Variants in FRMPD4 observed in about 807,000 individuals in gnomAD.
FRMPD4 encodes the protein FERM and PDZ domain containing 4.
Under a neutral mutation model 94.1 loss-of-function variants are expected in FRMPD4, and 22 were observed. The ratio of observed to expected loss-of-function variants is 0.23; its 90% CI spans 0.17 to 0.33. The LOEUF is 0.33. FRMPD4 is among the 10% of genes least tolerant of loss of function. The pLI is 1.00. For missense variants in FRMPD4, 1,111 were observed against 1,339.9 expected (o/e 0.83, Z 2.67); for synonymous variants, 631 against 548.6 (o/e 1.15, Z -2.10).
intron 2 of FRMPD4, among the ~76,000 whole-genome samples, chrX:11,868,876 T>C (rs1028930683): frequency 8.9e-6 from 1 of 112,648 alleles, no homozygotes; most frequent in Admixed American, 9.4e-5. Context: ...CCTTATGCAC[T>C]ATAACAGCAG....
intron 4 of FRMPD4, among the ~76,000 whole-genome samples, chrX:12,623,922 T>C (rs1171008378): frequency 8.9e-6 from 1 of 112,121 alleles, no homozygotes; most frequent in Admixed American, 9.5e-5. Context: ...CACCCACCTG[T>C]AGTCTCAGCT....
At chrX:12,688,786 T>C (rs2147115470) in intron 7 of FRMPD4, among the ~76,000 whole-genome samples, 1 of 105,530 alleles carries the variant, frequency 9.5e-6, no homozygotes, top group African/African-American at 3.5e-5. Context: ...AGTCAAGGCA[T>C]TTCTCTTGAA....
intron 1 of FRMPD4, among the ~76,000 whole-genome samples, chrX:12,189,950 A>G (rs1321538301): frequency 2.7e-5 from 3 of 111,702 alleles, no homozygotes; most frequent in Non-Finnish European, 5.7e-5. Context: ...CACAGATGAC[A>G]TAATCATCTA....
intron 3 of FRMPD4, among the ~76,000 whole-genome samples, chrX:11,975,008 C>T (rs1041347898): frequency 8.9e-6 from 1 of 111,773 alleles, no homozygotes; most frequent in Non-Finnish European, 1.9e-5. Context: ...GGCAGGAAAG[C>T]AACAGAAGGA....
intron 2 of FRMPD4, among the ~76,000 whole-genome samples, chrX:12,605,269 G>T (rs140073079): frequency 3.5e-4 from 39 of 112,415 alleles, no homozygotes; most frequent in Non-Finnish European, 6.8e-4. Flanking sequence ...CAGGACACGA[G>T]AACTGCATGC....
At chrX:12,466,810 A>G (rs138372149) in intron 1 of FRMPD4, among the ~76,000 whole-genome samples, 1,302 of 112,331 alleles carry the variant, frequency 0.012, 17 homozygotes, top group African/African-American at 0.041. Context: ...AAGAATAGCA[A>G]GGGAAAGAAT....
chrX:12,407,808 T>A (rs1456938507), intron 1 of FRMPD4, among the ~76,000 whole-genome samples: 1 of 111,878 alleles, frequency 8.9e-6, no homozygotes, highest in Non-Finnish European at 1.9e-5. Context: ...CCAATAAAAC[T>A]TTTTTTGTAA....
Position 12,716,980 on chromosome X carries a change from C to G in FRMPD4, c.2521C>G (p.Gln841Glu), listed in dbSNP as rs1392174420. The change falls in exon 15 of 17, where the codon CAA becomes GAA. Residue 841 changes from glutamine (Q) to glutamate (E), a missense_variant. Around this residue, in one of 8 missense-constraint regions of FRMPD4, gnomAD observed 74 missense variants for 93.9 expected, o/e 0.79. Coordinates refer to ENST00000675598, the MANE Select transcript of FRMPD4 (RefSeq NM_001368397.1). ...GGACAAGGAGAAAGGCAGCAGCCTG[C>G]AAAATGATGAGATCCCCGTGTCCCT... ...PEDKEKGSSLQNDEIPVSLID... is the reference protein window; with the variant it reads ...PEDKEKGSSLENDEIPVSLID... 4 of 1,209,352 alleles carry G rather than the reference C, an allele frequency of 3.3e-6. No individual in the cohort carries two copies. The highest frequency in any genetic ancestry group is 1.1e-6 in the Non-Finnish European group (1 of 894,128).
chrX:11,978,678 G>A (rs1046901464), intron 3 of FRMPD4, among the ~76,000 whole-genome samples: 3 of 111,968 alleles, frequency 2.7e-5, no homozygotes, highest in Non-Finnish European at 5.6e-5. Context: ...GAATCTTAAC[G>A]AGTAGAGTGT....
intron 2 of FRMPD4, 37 bp downstream of exon 2, chrX:12,498,833 G>A (rs184847144): frequency 2.7e-6 from 2 of 740,529 alleles, no homozygotes; most frequent in Non-Finnish European, 4.1e-6. Flanking sequence ...TAGAATCCTT[G>A]GCCAATGGAC....
chrX:12,580,839 G>C (rs997003352), intron 2 of FRMPD4, among the ~76,000 whole-genome samples: 20 of 112,199 alleles, frequency 1.8e-4, no homozygotes, highest in African/African-American at 6.5e-4. Context: ...GAATACACTG[G>C]AGAAAGGGAT....
At chrX:12,068,385 T>TTA (rs1408721245) in intron 3 of FRMPD4, among the ~76,000 whole-genome samples, 1 of 112,271 alleles carries the variant, frequency 8.9e-6, no homozygotes, top group Admixed American at 9.4e-5. Context: ...TTTGTTTTTT[T>TTA]TCAAATGAAA....
At chrX:12,587,086 C>T (rs2058936528) in intron 2 of FRMPD4, among the ~76,000 whole-genome samples, 1 of 109,500 alleles carries the variant, frequency 9.1e-6, no homozygotes, top group African/African-American at 3.3e-5. Context: ...AAGTGATTCT[C>T]CTGCCTCAGC....
intron 3 of FRMPD4, among the ~76,000 whole-genome samples, chrX:11,920,746 A>G (rs1411993777): frequency 8.9e-6 from 1 of 112,034 alleles, no homozygotes; most frequent in Admixed American, 9.4e-5. Context: ...CTAATAGACG[A>G]TGAGATCAGA....
intron 1 of FRMPD4, among the ~76,000 whole-genome samples, chrX:12,437,497 C>CTG (rs1373602739): frequency 9.1e-6 from 1 of 110,325 alleles, no homozygotes; most frequent in Non-Finnish European, 1.9e-5. Context: ...CTAACTCCTG[C>CTG]TGTGCCCAGC....
rs959365293 is a variant in FRMPD4 at position 12,202,206 on chromosome X, G to T, written c.41+63194G>T. Among the ~76,000 whole-genome samples the T allele has an allele frequency of 3.6e-5, 4 of 111,390 alleles. No homozygotes were observed. The Admixed American group carries it at 3.8e-4, about 11-fold the overall frequency. On this transcript the variant is annotated intron_variant, in intron 1 of 16. Transcript: ENST00000675598. ...ACGGACTATTTTGGATAATCCTAGA[G>T]GCTTATATTTATAGCTTGTTGTATC...
intron 4 of FRMPD4, among the ~76,000 whole-genome samples, chrX:12,624,003 A>G (rs1401509840): frequency 8.9e-6 from 1 of 112,140 alleles, no homozygotes; most frequent in Non-Finnish European, 1.9e-5. Context: ...ACACAGTGCG[A>G]TCCCATCTCA....
chrX:12,098,375 A>G (rs1188444103), intron 3 of FRMPD4, among the ~76,000 whole-genome samples: 6 of 112,464 alleles, frequency 5.3e-5, no homozygotes, highest in African/African-American at 1.9e-4. Context: ...ATAAAAAAAC[A>G]TGTCAAGAAA....
chrX:12,191,923 A>G (rs2056497166), intron 1 of FRMPD4, among the ~76,000 whole-genome samples: 1 of 111,728 alleles, frequency 9.0e-6, no homozygotes, highest in African/African-American at 3.3e-5. Flanking sequence ...TAATAAATGT[A>G]CCACTGTGAT....
Sources: allele counts gnomAD v4.1 joint callset (sites outside exome capture counted in the v4.1 genomes callset), GRCh38; gene constraint gnomAD v4.1.1; regional missense constraint gnomAD v4.1.1; transcripts MANE v1.5; gene names NCBI Gene and HGNC (gene_info 2026-07-23, HGNC 2026-07-21).